Variants in ZFYVE28 observed in about 807,000 individuals in gnomAD.
ZFYVE28 encodes lateral signaling target protein 2 homolog.
Under a neutral mutation model 82.1 loss-of-function variants are expected in ZFYVE28, and 40 were observed. The ratio of observed to expected loss-of-function variants is 0.49; its 90% CI spans 0.38 to 0.63. The LOEUF is 0.63. Ranked by LOEUF, ZFYVE28 falls within the 30% of genes least tolerant of loss-of-function variation. ZFYVE28 has a pLI of 0.00. For synonymous variants in ZFYVE28, 612 were observed against 546.1 expected (o/e 1.12, Z -1.68); for missense variants, 1,321 against 1,242.1 (o/e 1.06, Z -0.96).
rs111779122 is a variant in ZFYVE28, at chr4:2,270,675, T to C, written c.*50A>G. On this transcript the variant is annotated 3_prime_UTR_variant, in exon 13 of 13. Coordinates refer to ENST00000290974, the MANE Select transcript of ZFYVE28 (RefSeq NM_020972.3). Reference sequence around the variant, plus strand: ...GACCTGCCTGCAGCGTGGCCCCACCTTCCTGGGGGTTCCTGGCCCGGGTGG... The same window carrying C: ...GACCTGCCTGCAGCGTGGCCCCACCCTCCTGGGGGTTCCTGGCCCGGGTGG... 8.1e-6 allele frequency: 13 copies of C among 1,610,024 alleles called. No homozygotes were observed. Among genetic ancestry groups the C allele is most frequent in the African/African-American group, 8.0e-5 (6 of 75,012 alleles).
chr4:2,311,732 T>C (rs1717497015), intron 7 of ZFYVE28, among the ~76,000 whole-genome samples: 1 of 152,240 alleles, frequency 6.6e-6, no homozygotes, highest in Non-Finnish European at 1.5e-5. Context: ...TAGCATTTAG[T>C]GCTATAAATT....
chr4:2,379,368 C>T (rs941574436), intron 1 of ZFYVE28, among the ~76,000 whole-genome samples: 6 of 152,214 alleles, frequency 3.9e-5, no homozygotes, highest in African/African-American at 1.2e-4. Flanking sequence ...AGGAGCTGTC[C>T]CCCTATGCCA....
chr4:2,347,776 CAG>C (rs1264021659), intron 2 of ZFYVE28, among the ~76,000 whole-genome samples: 2 of 152,064 alleles, frequency 1.3e-5, no homozygotes, highest in Non-Finnish European at 2.9e-5. Context: ...GCAGCAATTA[CAG>C]AGAAATTTAA....
In ZFYVE28 at chr4:2,270,623, C is replaced by G; in HGVS notation, c.*102G>C. ...GGAGGTCTGGGTGCCCCTGCAGCAG[C>G]GGCAGCGGCCTCATGAGACGCAGTG... is the stretch of plus-strand genomic sequence containing the variant. On this transcript the variant is annotated 3_prime_UTR_variant, in exon 13 of 13. Coordinates refer to ENST00000290974, the MANE Select transcript of ZFYVE28 (RefSeq NM_020972.3). 2.6e-6 allele frequency: 4 copies of G among 1,513,464 alleles called. No homozygotes were observed. The highest frequency in any genetic ancestry group is 3.6e-6 in the Non-Finnish European group (4 of 1,112,678). The allele number at this position is 1,513,464 out of a possible 1,614,324, so 93.8% of individuals were successfully genotyped here. A position where few individuals can be genotyped will look rare whatever the true frequency, so the allele number is the denominator to read the frequency against.
chr4:2,277,761 C>G (rs1736604321), intron 8 of ZFYVE28, among the ~76,000 whole-genome samples: 1 of 152,148 alleles, frequency 6.6e-6, no homozygotes, highest in Admixed American at 6.5e-5. Flanking sequence ...CATGACTCCC[C>G]AAATCGATCT....
At chr4:2,284,572 C>T (rs184954798) in intron 8 of ZFYVE28, among the ~76,000 whole-genome samples, 7 of 152,294 alleles carry the variant, frequency 4.6e-5, no homozygotes, top group East Asian at 1.9e-4. Context: ...CCTTGCTGCC[C>T]GGTCACACTG....
At position 2,362,504 on chromosome 4, in the gene ZFYVE28, GCCCCTCCTGCACATGCCCAA is replaced by G. The variant is rs372963146; in HGVS notation, c.40-8451_40-8432del. Among the ~76,000 whole-genome samples the G allele has an allele frequency of 1.4e-3, 215 of 152,200 alleles. 3 individuals carry two copies. Among genetic ancestry groups the G allele is most frequent in the African/African-American group, 5.1e-3 (210 of 41,528 alleles). On this transcript the variant is annotated intron_variant, in intron 1 of 12. Transcript: ENST00000290974. The surrounding 1 kb of genome is among the most constrained non-coding windows in gnomAD (Gnocchi z 5.1). ...TTCACTGCTGCCAATCACAGGCCCA[GCCCCTCCTGCACATGCCCAA>G]CCCCTCCTGTCCGCACTGAGGCCAG...
intron 1 of ZFYVE28, among the ~76,000 whole-genome samples, chr4:2,382,582 TG>T (rs1400531793): frequency 6.6e-6 from 1 of 152,224 alleles, no homozygotes; most frequent in Non-Finnish European, 1.5e-5. Flanking sequence ...CCATTTGGAA[TG>T]GCTATATGTA....
intron 7 of ZFYVE28, among the ~76,000 whole-genome samples, chr4:2,318,283 C>T (rs991455664): frequency 2.0e-5 from 3 of 152,146 alleles, no homozygotes; most frequent in South Asian, 2.1e-4. Flanking sequence ...TTTGGCTGGT[C>T]GCAGTGGCTC....
intron 1 of ZFYVE28, among the ~76,000 whole-genome samples, chr4:2,396,104 C>T (rs1320871044): frequency 7.1e-6 from 1 of 140,066 alleles, no homozygotes; most frequent in Non-Finnish European, 1.6e-5. Flanking sequence ...TGGGACCAGC[C>T]ATCCTGCAGA....
intron 1 of ZFYVE28, among the ~76,000 whole-genome samples, chr4:2,366,714 G>A (rs1726930041): frequency 6.6e-6 from 1 of 152,202 alleles, no homozygotes; most frequent in African/African-American, 2.4e-5. Context: ...TGTAGTCTCT[G>A]ATGTGGAAAC....
intron 8 of ZFYVE28, among the ~76,000 whole-genome samples, chr4:2,279,755 T>TG (rs1484592219): frequency 2.7e-4 from 41 of 149,460 alleles, no homozygotes; most frequent in Admixed American, 1.3e-3. Context: ...CACTCCAGCC[T>TG]GACAACAGAG....
chr4:2,393,577 A>G (rs1445310913), intron 1 of ZFYVE28, among the ~76,000 whole-genome samples: 1 of 152,178 alleles, frequency 6.6e-6, no homozygotes, highest in Non-Finnish European at 1.5e-5. Flanking sequence ...TCCAAAAGCT[A>G]GGTGGCAGCC....
At chr4:2,363,971 T>C (rs1560286911) in intron 1 of ZFYVE28, among the ~76,000 whole-genome samples, 1 of 152,178 alleles carries the variant, frequency 6.6e-6, no homozygotes, top group Non-Finnish European at 1.5e-5. Flanking sequence ...GGTGGAAGAC[T>C]TATCCTGTGA....
At chr4:2,403,445 C>G (rs73791774) in intron 1 of ZFYVE28, among the ~76,000 whole-genome samples, 1 of 152,224 alleles carries the variant, frequency 6.6e-6, no homozygotes, top group Non-Finnish European at 1.5e-5. Flanking sequence ...ATCCCTGGAT[C>G]GTGGCGGGAG....
intron 1 of ZFYVE28, among the ~76,000 whole-genome samples, chr4:2,370,141 C>T (rs980415088): frequency 2.0e-4 from 31 of 152,008 alleles, no homozygotes; most frequent in Non-Finnish European, 2.2e-4. Context: ...AACCAACACG[C>T]CCGGCCGATT....
chr4:2,342,919 T>C (rs2051568117), intron 2 of ZFYVE28: 1 of 152,230 alleles, frequency 6.6e-6, no homozygotes, highest in African/African-American at 2.4e-5. Context: ...CTAATTCTCA[T>C]CTTCCGAGGG....
chr4:2,379,810 CAG>C (rs1728541023), intron 1 of ZFYVE28, among the ~76,000 whole-genome samples: 2 of 150,928 alleles, frequency 1.3e-5, no homozygotes, highest in Admixed American at 6.6e-5. Flanking sequence ...TTTTTTGAGA[CAG>C]AGTCTTTCTC....
chr4:2,337,575 A>G (rs1722040102), intron 4 of ZFYVE28, 79 bp from the exon 5 acceptor site: 1 of 1,178,898 alleles, frequency 8.5e-7, no homozygotes, highest in East Asian at 2.7e-5. Flanking sequence ...GGGCATCTTC[A>G]ATTAAAGCTG....
Sources: gnomAD v4.1 joint callset for allele counts (sites outside exome capture counted in the v4.1 genomes callset) on GRCh38, gnomAD v4.1.1 for gene constraint, Gnocchi (gnomAD v3.1) non-coding constraint, MANE v1.5 for transcripts, NCBI Gene and HGNC (gene_info 2026-07-23, HGNC 2026-07-21) for gene names.